The following TCEA1 variants were observed in gnomAD, a reference collection of about 807,000 sequenced individuals.
TCEA1 encodes transcription elongation factor A protein 1.
A neutral mutation model predicts 43.8 loss-of-function variants in TCEA1; 21 were observed. The observed-to-expected ratio is 0.48, with a 90% CI of 0.34 to 0.69. TCEA1 has a LOEUF of 0.69. Among genes scored for constraint, TCEA1 ranks in the 30% least tolerant of loss-of-function variants. The pLI, the probability that TCEA1 is intolerant of heterozygous loss-of-function variation, is 0.01. For missense variants in TCEA1, 250 were observed against 365.1 expected (o/e 0.68, Z 2.57); for synonymous variants, 104 against 117.5 (o/e 0.88, Z 0.75).
chr8:54,009,229 G>T (rs1303732007), intron 2 of TCEA1, among the ~76,000 whole-genome samples: 3 of 151,872 alleles, frequency 2.0e-5, no homozygotes, highest in Non-Finnish European at 2.9e-5. Context: ...CTGTTAATGG[G>T]AATGTAAATT....
chr8:53,968,670 C>T (rs187819851), intron 9 of TCEA1, among the ~76,000 whole-genome samples: 33 of 151,874 alleles, frequency 2.2e-4, no homozygotes, highest in African/African-American at 5.8e-4. Flanking sequence ...GGTGAAACCC[C>T]GTCTCTACTA....
chr8:53,974,275 A>G (rs1056632419), intron 8 of TCEA1: 3 of 152,574 alleles, frequency 2.0e-5, no homozygotes, highest in African/African-American at 4.8e-5. Context: ...TAGGAGAAAT[A>G]TTTATTGGGA....
chr8:53,968,875 C>A (rs536098961), intron 9 of TCEA1, among the ~76,000 whole-genome samples: 1 of 152,170 alleles, frequency 6.6e-6, no homozygotes, highest in Non-Finnish European at 1.5e-5. Context: ...AGGTGAATGT[C>A]CCTCTCCTAG....
In TCEA1 at chr8:54,019,389, T is replaced by C. The variant is rs981907981; in HGVS notation, c.63+2674A>G. 4.6e-5 allele frequency among the ~76,000 whole-genome samples: 7 copies of C among 151,570 alleles called. No individual in the cohort carries two copies. In the East Asian group the frequency reaches 9.7e-4, roughly 21 times the overall value. ...GTTCAAGACCAGCCTGGCCAATACG[T>C]TGAAATCCCATCTCTACTAAAAATA... is the stretch of plus-strand genomic sequence containing the variant. On this transcript the variant is annotated intron_variant, in intron 1 of 9. Coordinates refer to ENST00000521604, the MANE Select transcript of TCEA1 (RefSeq NM_006756.4).
intron 8 of TCEA1, among the ~76,000 whole-genome samples, chr8:53,970,685 C>T (rs889449064): frequency 6.6e-6 from 1 of 152,052 alleles, no homozygotes; most frequent in African/African-American, 2.4e-5. Context: ...TTTAATATAT[C>T]CCAGATAAGT....
intron 1 of TCEA1, 103 bp from the exon 2 acceptor site, chr8:54,010,595 A>T (rs1804621331): frequency 1.2e-6 from 1 of 834,898 alleles, no homozygotes; most frequent in Admixed American, 3.2e-5. Flanking sequence ...CTAAAGAGGA[A>T]TAAAATCAGA....
intron 8 of TCEA1, among the ~76,000 whole-genome samples, chr8:53,978,056 G>GA (rs1803386487): frequency 6.6e-6 from 1 of 151,998 alleles, no homozygotes; most frequent in Non-Finnish European, 1.5e-5. Context: ...CTATTTCTGT[G>GA]AAAGTATAAA....
chr8:53,973,507 A>G, intron 8 of TCEA1: 2 of 506,584 alleles, frequency 3.9e-6, no homozygotes, highest in South Asian at 3.4e-5. Context: ...AAAAGTGAAC[A>G]AAATCTGCAA....
chr8:54,005,658 C>T (rs1804415110), intron 2 of TCEA1, among the ~76,000 whole-genome samples: 1 of 152,206 alleles, frequency 6.6e-6, no homozygotes, highest in South Asian at 2.1e-4. Flanking sequence ...AACTACCAAT[C>T]CTTATAGGCT....
intron 8 of TCEA1, chr8:53,971,538 G>T: frequency 6.5e-6 from 1 of 153,406 alleles, no homozygotes; most frequent in Non-Finnish European, 1.4e-5. Context: ...TTGAACCCCT[G>T]AGGCGGAGGC....
At chr8:53,969,197 G>C (rs59630555) in intron 9 of TCEA1, among the ~76,000 whole-genome samples, 9,211 of 152,238 alleles carry the variant, frequency 0.061, 533 homozygotes, top group South Asian at 0.28. Context: ...GGCTGAGGCA[G>C]GAGAATCGCT....
At chr8:53,986,675 T>C (rs752560642) in intron 6 of TCEA1, among the ~76,000 whole-genome samples, 8 of 152,228 alleles carry the variant, frequency 5.3e-5, no homozygotes, top group Non-Finnish European at 7.3e-5. Context: ...TAAACTTCGC[T>C]GTTTCTAGTT....
At chr8:53,996,903 C>CTTTTTTTTTTTTTTTTTTTTTT (rs754537318) in intron 3 of TCEA1, among the ~76,000 whole-genome samples, 34 of 116,590 alleles carry the variant, frequency 2.9e-4, no homozygotes, top group East Asian at 3.2e-4. Flanking sequence ...AGAAGGTTGT[C>CTTTTTTTTTTTTTTTTTTTTTT]TTTTTTTTTT....
In TCEA1 at chr8:53,988,032, T is replaced by A. The variant is rs1803744474; in HGVS notation, c.466+82A>T. On this transcript the variant is annotated intron_variant, in intron 5 of 9. Transcript: ENST00000521604. ...TGGGCTATCCACAGGGTAACACTCA[T>A]CAAACAGCAATATGGAGTTGGAGAT... 2.6e-6 allele frequency: 4 copies of A among 1,520,148 alleles called. No individual in the cohort carries two copies. In the South Asian group the frequency reaches 5.1e-5, roughly 19 times the overall value. 94.2% of individuals were successfully genotyped at this position (1,520,148 alleles called of 1,614,324 possible).
intron 4 of TCEA1, among the ~76,000 whole-genome samples, chr8:53,989,470 T>G (rs149893772): frequency 1.3e-5 from 2 of 152,208 alleles, no homozygotes; most frequent in Admixed American, 1.3e-4. Flanking sequence ...ATAACCACTG[T>G]TAAACTTCAC....
chr8:53,987,026 C>A lies in TCEA1; in HGVS notation c.467-1G>T. Reference sequence around the variant, plus strand: ...TCAGCTCCAATTGCAATGTAGTCATCTAAAAATAGGCATAAAGAATTGTCA... The same window carrying A: ...TCAGCTCCAATTGCAATGTAGTCATATAAAAATAGGCATAAAGAATTGTCA... On this transcript the variant is annotated splice_acceptor_variant, in intron 5 of 9. Transcript: ENST00000521604. LOFTEE classifies it high-confidence loss of function. 6.3e-7 allele frequency: 1 copy of A among 1,593,532 alleles called. No individual in the cohort carries two copies. Among genetic ancestry groups the A allele is most frequent in the African/African-American group, 1.3e-5 (1 of 74,406 alleles).
chr8:54,013,119 C>T (rs978206055), intron 1 of TCEA1, among the ~76,000 whole-genome samples: 5 of 152,240 alleles, frequency 3.3e-5, no homozygotes, highest in African/African-American at 1.2e-4. Context: ...CCTTAAAAAG[C>T]AGGGTTTCCT....
rs1243079659 is a variant in TCEA1, at chr8:53,968,071, T to C, written c.*33A>G. On this transcript the variant is annotated 3_prime_UTR_variant, in exon 10 of 10. Coordinates refer to ENST00000521604, the MANE Select transcript of TCEA1 (RefSeq NM_006756.4). ...AAGCTAGTTACAAAATCCGTTTTCTTAATGGTCCAGATATTTTGCCAATTC... is the reference window on the plus strand; with the variant it reads ...AAGCTAGTTACAAAATCCGTTTTCTCAATGGTCCAGATATTTTGCCAATTC... 5.1e-5 allele frequency: 78 copies of C among 1,522,628 alleles called. No homozygotes were observed. Among genetic ancestry groups the C allele is most frequent in the Non-Finnish European group, 6.8e-5 (77 of 1,127,564 alleles). The allele number at this position is 1,522,628 out of a possible 1,614,324, so 94.3% of individuals were successfully genotyped here. A position where few individuals can be genotyped will look rare whatever the true frequency, so the allele number is the denominator to read the frequency against.
At chr8:54,021,905 G>T in intron 1 of TCEA1, 158 bp downstream of exon 1, 1 of 579,360 alleles carries the variant, frequency 1.7e-6, no homozygotes, top group Non-Finnish European at 2.7e-6. Context: ...CCGACGCCCC[G>T]GGCCCGGACA....
Sources: allele counts gnomAD v4.1 joint callset (sites outside exome capture counted in the v4.1 genomes callset), GRCh38; gene constraint gnomAD v4.1.1; transcripts MANE v1.5; gene names NCBI Gene and HGNC (gene_info 2026-07-23, HGNC 2026-07-21).